The following GPC5 variants were observed in gnomAD, a reference collection of about 807,000 sequenced individuals.
The protein encoded by GPC5 is glypican 5, also known as glypican-5.
In GPC5, 47 loss-of-function variants were observed where a neutral mutation model predicts 53.9. That is an observed-to-expected ratio of 0.87 (90% CI 0.69 to 1.11). The LOEUF (loss-of-function observed/expected upper bound fraction) is 1.11, where lower values mean the gene tolerates loss of function less well. Among genes scored for constraint, GPC5 ranks in the 50% most tolerant of loss-of-function variants. GPC5 has a pLI of 0.00. For missense variants in GPC5, 748 were observed against 713.1 expected, an observed-to-expected ratio of 1.05 and a Z score of -0.56; for synonymous variants, 286 against 263.3, an observed-to-expected ratio of 1.09 and a Z score of -0.84.
chr13:92,678,295 G>A (rs1887011408), intron 7 of GPC5, among the ~76,000 whole-genome samples: 1 of 152,116 alleles, frequency 6.6e-6, no homozygotes, highest in Non-Finnish European at 1.5e-5. Context: ...ATGTCAGGTG[G>A]TGGTAAGTGC....
At chr13:91,899,744 G>C (rs1402365484) in intron 5 of GPC5, among the ~76,000 whole-genome samples, 1 of 152,120 alleles carries the variant, frequency 6.6e-6, no homozygotes, top group Non-Finnish European at 1.5e-5. Flanking sequence ...TGTGAAGATG[G>C]AGACAGAAAT....
intron 7 of GPC5, among the ~76,000 whole-genome samples, chr13:92,630,693 A>C (rs538675540): frequency 6.6e-6 from 1 of 152,254 alleles, no homozygotes; most frequent in Admixed American, 6.5e-5. Context: ...AAGTATAATA[A>C]AAAATTTTTT....
chr13:92,278,961 T>A (rs780485140), intron 7 of GPC5, among the ~76,000 whole-genome samples: 1 of 152,040 alleles, frequency 6.6e-6, no homozygotes, highest in Non-Finnish European at 1.5e-5. Flanking sequence ...GAAATTTGAG[T>A]CTTAAATCAT....
At position 92,140,014 on chromosome 13, in the gene GPC5, C is replaced by T. The variant is rs190593586; in HGVS notation, c.1402-4816C>T. On this transcript the variant is annotated intron_variant, in intron 6 of 7. Transcript: ENST00000377067. The stretch of plus-strand genomic sequence containing the variant: ...TATTACTAATCAGAAAGATATGACA[C>T]GTTCAAGAAAGTGGATTAAGTGCAA... Among the ~76,000 whole-genome samples, 7 of 152,168 alleles carry T rather than the reference C, an allele frequency of 4.6e-5. No individual in the cohort carries two copies. The South Asian group carries it at 6.2e-4, about 14-fold the overall frequency.
chr13:92,341,850 C>T (rs1309626941), intron 7 of GPC5, among the ~76,000 whole-genome samples: 2 of 152,050 alleles, frequency 1.3e-5, no homozygotes, highest in African/African-American at 4.8e-5. Context: ...TTGCGTTTAT[C>T]GAGGGGGAAA....
At chr13:91,653,261 AT>A (rs2034761539) in intron 2 of GPC5, among the ~76,000 whole-genome samples, 1 of 152,194 alleles carries the variant, frequency 6.6e-6, no homozygotes, top group Non-Finnish European at 1.5e-5. Flanking sequence ...TGATCCTCAC[AT>A]TTGGCTTTTA....
rs760181408 is a variant in GPC5 at position 91,571,833 on chromosome 13, A to ACGTATACGTGTGTGTATATATACACACG, written c.326-121354_326-121353insCGTATACGTGTGTGTATATATACACACG. 1.9e-3 allele frequency among the ~76,000 whole-genome samples: 162 copies of ACGTATACGTGTGTGTATATATACACACG among 87,010 alleles called. 11 individuals carry two copies. The highest frequency in any genetic ancestry group is 2.5e-3 in the Non-Finnish European group (118 of 47,610). 57.1% of individuals were successfully genotyped at this position (87,010 alleles called of 152,430 possible). Reference sequence around the variant, plus strand: ...CACATACGTGTGTGTATATATACACATATACTTGTGTGTATATACACATAT... The same window carrying ACGTATACGTGTGTGTATATATACACACG: ...CACATACGTGTGTGTATATATACACACGTATACGTGTGTGTATATATACACACGTATACTTGTGTGTATATACACATAT... On this transcript the variant is annotated intron_variant, in intron 2 of 7. Coordinates refer to ENST00000377067, the MANE Select transcript of GPC5 (RefSeq NM_004466.6).
intron 7 of GPC5, among the ~76,000 whole-genome samples, chr13:92,519,095 G>A (rs943970455): frequency 6.6e-6 from 1 of 152,156 alleles, no homozygotes; most frequent in Non-Finnish European, 1.5e-5. Context: ...TAATATATAT[G>A]CACCCAATGC....
chr13:92,347,954 G>T (rs2043440945), intron 7 of GPC5, among the ~76,000 whole-genome samples: 1 of 42,628 alleles, frequency 2.3e-5, no homozygotes, highest in African/African-American at 8.4e-5. Context: ...TAAACCTCAT[G>T]AGAAACACAA....
intron 5 of GPC5, among the ~76,000 whole-genome samples, chr13:91,843,793 G>T (rs1566298940): frequency 6.6e-6 from 1 of 152,064 alleles, no homozygotes; most frequent in African/African-American, 2.4e-5. Context: ...CAATGTTAAA[G>T]AAAAGGGGGA....
rs541056079 is a variant in GPC5, at chr13:92,458,210, A to C, written c.1561+313221A>C. Among the ~76,000 whole-genome samples the C allele has an allele frequency of 1.7e-4, 25 of 148,590 alleles. No homozygotes were observed. In the South Asian group the frequency reaches 5.3e-3, roughly 31 times the overall value. ...CATGCCTAATTCAGTATTCTAGTCT[A>C]TATGCTTAAAGGCTGGGGAATGTTC... On this transcript the variant is annotated intron_variant, in intron 7 of 7. Transcript: ENST00000377067.
intron 2 of GPC5, among the ~76,000 whole-genome samples, chr13:91,644,690 C>A (rs141030806): frequency 9.3e-4 from 141 of 152,138 alleles, no homozygotes; most frequent in African/African-American, 3.3e-3. Flanking sequence ...GTTATCTTAA[C>A]CTGTCTTTTG....
At chr13:91,467,665 T>G (rs1276603976) in intron 2 of GPC5, among the ~76,000 whole-genome samples, 1 of 152,176 alleles carries the variant, frequency 6.6e-6, no homozygotes, top group African/African-American at 2.4e-5. Flanking sequence ...CTGTTTAAAT[T>G]TTCAAAACAT....
At chr13:91,868,139 C>G (rs533010647) in intron 5 of GPC5, among the ~76,000 whole-genome samples, 2 of 152,058 alleles carry the variant, frequency 1.3e-5, no homozygotes, top group Admixed American at 1.3e-4. Flanking sequence ...GAAAAAGCAG[C>G]CACTAAGGAA....
intron 2 of GPC5, among the ~76,000 whole-genome samples, chr13:91,608,923 G>A (rs1318842254): frequency 1.3e-5 from 2 of 149,580 alleles, no homozygotes; most frequent in Admixed American, 1.3e-4. Flanking sequence ...TTTAGAATTT[G>A]TTTATTTAGA....
chr13:92,165,280 A>T (rs577387234), intron 7 of GPC5, among the ~76,000 whole-genome samples: 68 of 152,340 alleles, frequency 4.5e-4, no homozygotes, highest in African/African-American at 1.5e-3. Context: ...CCCTTTTAAA[A>T]ATAAGTTCCA....
chr13:92,186,124 T>A (rs1404625848), intron 7 of GPC5, among the ~76,000 whole-genome samples: 13 of 152,132 alleles, frequency 8.5e-5, no homozygotes, highest in African/African-American at 2.9e-4. Flanking sequence ...ACAGAGTTGC[T>A]GCTCAAAGTG....
chr13:91,573,088 G>A (rs2031996552), intron 2 of GPC5, among the ~76,000 whole-genome samples: 1 of 152,154 alleles, frequency 6.6e-6, no homozygotes, highest in African/African-American at 2.4e-5. Flanking sequence ...GATGTTCTGG[G>A]AAGAAATGGG....
intron 7 of GPC5, among the ~76,000 whole-genome samples, chr13:92,220,384 T>C (rs922928792): frequency 6.6e-6 from 1 of 152,192 alleles, no homozygotes; most frequent in Non-Finnish European, 1.5e-5. Context: ...AGTTAGCAAC[T>C]CACTGACCTT....
Sources: gnomAD v4.1 joint callset for allele counts (sites outside exome capture counted in the v4.1 genomes callset) on GRCh38, gnomAD v4.1.1 for gene constraint, MANE v1.5 for transcripts, NCBI Gene and HGNC (gene_info 2026-07-23, HGNC 2026-07-21) for gene names.